The following NOTCH2NLA variants were observed in gnomAD, a reference collection of about 807,000 sequenced individuals.
NOTCH2NLA encodes notch 2 N-terminal like A, also known as notch homolog 2 N-terminal-like protein A.
At chr1:146,174,400 C>CTTTTTT (rs1209878010) in intron 2 of NOTCH2NLA, among the ~76,000 whole-genome samples, 4 of 95,782 alleles carry the variant, frequency 4.2e-5, no homozygotes, top group African/African-American at 1.2e-4. Flanking sequence ...CTGTCTTTAG[C>CTTTTTT]TTTTTTTTTT....
intron 2 of NOTCH2NLA, among the ~76,000 whole-genome samples, chr1:146,172,780 AC>A (rs1349612245): frequency 6.7e-6 from 1 of 149,736 alleles, no homozygotes; most frequent in African/African-American, 2.4e-5. Context: ...TCTTTGCTGT[AC>A]CTTTCTCAAA....
At chr1:146,228,396 A>G (rs1664311113) in intron 1 of NOTCH2NLA, 1 of 969,680 alleles carries the variant, frequency 1.0e-6, no homozygotes, top group African/African-American at 1.8e-5. Context: ...GCACCCTGGC[A>G]CTACGAAAAA....
intron 1 of NOTCH2NLA, 149 bp downstream of exon 1, chr1:146,228,560 C>G (rs1476131801): frequency 1.5e-6 from 2 of 1,349,908 alleles, no homozygotes; most frequent in African/African-American, 3.1e-5. Flanking sequence ...CCGGCGATGT[C>G]CAAACTCTCG....
chr1:146,158,708 A>G (rs1335619333), intron 3 of NOTCH2NLA, among the ~76,000 whole-genome samples: 2 of 152,124 alleles, frequency 1.3e-5, no homozygotes, highest in Admixed American at 1.3e-4. Flanking sequence ...AACTCCTTGA[A>G]TTTGTTAATA....
intron 2 of NOTCH2NLA, among the ~76,000 whole-genome samples, chr1:146,172,849 C>T (rs1662059455): frequency 6.9e-6 from 1 of 145,010 alleles, no homozygotes; most frequent in South Asian, 2.1e-4. Context: ...GGTGTAGGTT[C>T]CCTGAATACC....
At chr1:146,185,201 T>C (rs868968094) in intron 2 of NOTCH2NLA, among the ~76,000 whole-genome samples, 1 of 135,358 alleles carries the variant, frequency 7.4e-6, no homozygotes, top group Non-Finnish European at 1.7e-5. Context: ...ATACAAATCA[T>C]AACCTAACCT....
At position 146,228,774 on chromosome 1, in the gene NOTCH2NLA, G is replaced by A. The variant is rs782221578; in HGVS notation, c.-110C>T. On this transcript the variant is annotated 5_prime_UTR_variant, in exon 1 of 5. Transcript: ENST00000362074. Reference sequence around the variant, plus strand: ...CGCCCACAGCAGAGCGGGGCGCAGGGCGGGTATCTTCTCGGTCGCCTCCTC... The same window carrying A: ...CGCCCACAGCAGAGCGGGGCGCAGGACGGGTATCTTCTCGGTCGCCTCCTC... The A allele has an allele frequency of 1.6e-5, 25 of 1,574,148 alleles. 1 individual carries two copies. In the African/African-American group the frequency reaches 2.8e-4, roughly 17 times the overall value.
At chr1:146,159,453 GAAA>G (rs1661376037) in intron 3 of NOTCH2NLA, among the ~76,000 whole-genome samples, 1 of 150,468 alleles carries the variant, frequency 6.6e-6, no homozygotes, top group Non-Finnish European at 1.5e-5. Flanking sequence ...GAAAGAGAAA[GAAA>G]GAAAGAAAGG....
intron 2 of NOTCH2NLA, among the ~76,000 whole-genome samples, chr1:146,187,808 A>C (rs1324743554): frequency 1.5e-5 from 2 of 136,698 alleles, no homozygotes; most frequent in Non-Finnish European, 3.4e-5. Flanking sequence ...TATTATCTCC[A>C]GTTGTATCTC....
intron 2 of NOTCH2NLA, among the ~76,000 whole-genome samples, chr1:146,173,042 C>T (rs1312991532): frequency 3.3e-5 from 5 of 150,956 alleles, no homozygotes; most frequent in African/African-American, 1.2e-4. Flanking sequence ...TCCTTCACAC[C>T]CCAGGAAGCT....
Position 146,187,321 on chromosome 1 carries a change from T to C in NOTCH2NLA, c.38+1979A>G, listed in dbSNP as rs1391270259. Among the ~76,000 whole-genome samples, 17 of 131,660 alleles carry C rather than the reference T, an allele frequency of 1.3e-4. 2 individuals carry two copies. In the East Asian group the frequency reaches 2.3e-3, roughly 18 times the overall value. The allele number at this position is 131,660 out of a possible 152,430, so 86.4% of individuals were successfully genotyped here. The stretch of plus-strand genomic sequence containing the variant: ...GGTTCCAAGTCTTTCCTACTGTAAA[T>C]AGTGCTGAAGTAAACACACATGTGC... On this transcript the variant is annotated intron_variant, in intron 2 of 4. Transcript: ENST00000362074.
intron 3 of NOTCH2NLA, among the ~76,000 whole-genome samples, chr1:146,159,378 G>A (rs6424348): frequency 0.071 from 7,508 of 105,862 alleles, 1 homozygote; most frequent in Admixed American, 0.093. Context: ...AAAGAGAGAG[G>A]AAGAGAGAAA....
chr1:146,159,995 A>AAAAAAAG (rs1661423611), intron 3 of NOTCH2NLA, among the ~76,000 whole-genome samples: 2 of 130,390 alleles, frequency 1.5e-5, no homozygotes, highest in Non-Finnish European at 3.3e-5. Flanking sequence ...AAAAAAAAAA[A>AAAAAAAG]GGTGATCAGA....
At chr1:146,207,916 G>A (rs1434935940) in intron 1 of NOTCH2NLA, among the ~76,000 whole-genome samples, 1 of 30,320 alleles carries the variant, frequency 3.3e-5, no homozygotes, top group Non-Finnish European at 6.8e-5. Context: ...CAACCTCTGG[G>A]GCTCAAGCAA....
intron 2 of NOTCH2NLA, among the ~76,000 whole-genome samples, chr1:146,175,572 ACT>A (rs1662220243): frequency 7.1e-6 from 1 of 140,720 alleles, no homozygotes; most frequent in Non-Finnish European, 1.6e-5. Context: ...ACAATCTCTC[ACT>A]CTCACACACG....
intron 1 of NOTCH2NLA, among the ~76,000 whole-genome samples, chr1:146,223,749 C>CA (rs587629605): frequency 3.8e-3 from 168 of 44,346 alleles, no homozygotes; most frequent in African/African-American, 0.012. Context: ...AAAGAGATAG[C>CA]AAAAAAAGTC....
At chr1:146,154,055 A>G (rs1209516832), downstream of NOTCH2NLA, 2 of 120,218 alleles carry the variant, frequency 1.7e-5, no homozygotes, top group Non-Finnish European at 3.6e-5. Context: ...ACACACACAC[A>G]CACATATTGA....
chr1:146,200,679 ATTCT>A (rs1477164960), intron 1 of NOTCH2NLA, among the ~76,000 whole-genome samples: 1 of 127,974 alleles, frequency 7.8e-6, no homozygotes, highest in Non-Finnish European at 1.7e-5. Flanking sequence ...GATTACTCAT[ATTCT>A]TTCTTTATTG....
chr1:146,180,557 T>C lies in NOTCH2NLA; in HGVS notation c.38+8743A>G, dbSNP rs1400531568. The stretch of plus-strand genomic sequence containing the variant: ...GTGAAGGTCACTGACAGTGAATAAA[T>C]AGGATCTAGAAAATGTGCGGAAATC... On this transcript the variant is annotated intron_variant, in intron 2 of 4. Transcript: ENST00000362074. Among the ~76,000 whole-genome samples the C allele has an allele frequency of 1.4e-5, 2 of 143,036 alleles. 1 individual carries two copies. Among genetic ancestry groups the C allele is most frequent in the Non-Finnish European group, 3.2e-5 (2 of 62,418 alleles). 93.8% of individuals were successfully genotyped at this position (143,036 alleles called of 152,430 possible). A position where few individuals can be genotyped will look rare whatever the true frequency, so the allele number is the denominator to read the frequency against.
Sources: gnomAD v4.1 joint callset for allele counts (sites outside exome capture counted in the v4.1 genomes callset) on GRCh38, gnomAD v4.1.1 for gene constraint, MANE v1.5 for transcripts, NCBI Gene and HGNC (gene_info 2026-07-23, HGNC 2026-07-21) for gene names.